Variants in CAST observed in about 807,000 individuals in gnomAD.
CAST encodes the protein MIR583 host.
CAST carries 76 observed loss-of-function variants against 119.6 expected under a neutral mutation model. The ratio of observed to expected loss-of-function variants is 0.64; its 90% CI spans 0.53 to 0.77. The LOEUF (loss-of-function observed/expected upper bound fraction) is 0.77. Ranked by LOEUF, CAST falls within the 30% of genes least tolerant of loss-of-function variation. The probability of loss-of-function intolerance (pLI) is 0.00; values close to 1 mark genes in which losing one functional copy is unlikely to be tolerated. For missense variants in CAST, 953 were observed against 946.5 expected (o/e 1.01, Z -0.09); for synonymous variants, 319 against 331.6 (o/e 0.96, Z 0.41).
the CAST span, among the ~76,000 whole-genome samples, chr5:96,184,379 GGT>G: frequency 6.6e-6 from 1 of 152,070 alleles, no homozygotes; most frequent in African/African-American, 2.4e-5. Flanking sequence ...TAAGTTCAAG[GGT>G]ACATATGCAG....
At chr5:96,550,087 T>C (rs263380) in intron 1 of CAST, among the ~76,000 whole-genome samples, 80,901 of 152,074 alleles carry the variant, frequency 0.53, 21,713 homozygotes, top group Admixed American at 0.55. Flanking sequence ...GCTCTGATAA[T>C]GGTCAGACTG....
the CAST span, among the ~76,000 whole-genome samples, chr5:96,317,604 C>A: frequency 6.6e-6 from 1 of 151,082 alleles, no homozygotes; most frequent in East Asian, 2.0e-4. Context: ...GTATGATGAT[C>A]ATAATAATTA....
the CAST span, among the ~76,000 whole-genome samples, chr5:96,199,180 T>G: frequency 2.4e-4 from 36 of 152,272 alleles, no homozygotes; most frequent in African/African-American, 8.2e-4. Context: ...AAATTTGAGA[T>G]TTAAGTATGA....
At chr5:96,644,018 C>T (rs755771134) in intron 1 of CAST, among the ~76,000 whole-genome samples, 3 of 151,864 alleles carry the variant, frequency 2.0e-5, no homozygotes, top group Non-Finnish European at 2.9e-5. Context: ...TGCACTCCAG[C>T]CTGGGGGACA....
At chr5:96,453,570 G>C in the CAST span, among the ~76,000 whole-genome samples, 1 of 152,102 alleles carries the variant, frequency 6.6e-6, no homozygotes, top group Non-Finnish European at 1.5e-5. Context: ...CATTACCATC[G>C]AGCACTGATA....
chr5:96,130,949 T>C, the CAST span, among the ~76,000 whole-genome samples: 2 of 152,126 alleles, frequency 1.3e-5, no homozygotes, highest in Non-Finnish European at 2.9e-5. Flanking sequence ...TGCTATGACC[T>C]TTTACAAAGT....
chr5:96,008,179 G>A, the CAST span, among the ~76,000 whole-genome samples: 2 of 152,184 alleles, frequency 1.3e-5, no homozygotes, highest in African/African-American at 4.8e-5. Flanking sequence ...CTAAGATGCA[G>A]ACCTTCTCCA....
rs374510023 is a variant in CAST, at chr5:96,763,162, G to C, written c.1932+790G>C. On this transcript the variant is annotated intron_variant, in intron 25 of 31. Coordinates refer to ENST00000675179, the MANE Select transcript of CAST (RefSeq NM_001750.7). The stretch of plus-strand genomic sequence containing the variant: ...CCATTCCGTTTGATGTAGCATCAAA[G>C]CATATTTAGTGCTGTAGTCTGAGAT... The C allele has an allele frequency of 1.5e-5, 12 of 780,424 alleles. No individual in the cohort carries two copies. The African/African-American group carries it at 2.0e-4, about 13-fold the overall frequency. The allele number at this position is 780,424 out of a possible 1,614,324, so 48.3% of individuals were successfully genotyped here.
At chr5:96,590,368 G>C (rs932019879) in intron 1 of CAST, among the ~76,000 whole-genome samples, 10 of 152,216 alleles carry the variant, frequency 6.6e-5, no homozygotes, top group African/African-American at 2.4e-4. Flanking sequence ...GTTTTCCAAT[G>C]TATGTGCTAG....
the CAST span, among the ~76,000 whole-genome samples, chr5:96,037,058 A>G: frequency 6.6e-5 from 10 of 152,082 alleles, no homozygotes; most frequent in Admixed American, 1.3e-4. Flanking sequence ...TCTAGTCTTG[A>G]CACTAATAAT....
chr5:96,209,034 G>A, the CAST span, among the ~76,000 whole-genome samples: 1 of 151,992 alleles, frequency 6.6e-6, no homozygotes, highest in Non-Finnish European at 1.5e-5. Context: ...ATTTAGGGTA[G>A]TTAGGTCTTC....
the CAST span, among the ~76,000 whole-genome samples, chr5:96,313,282 A>T: frequency 9.9e-5 from 15 of 152,152 alleles, no homozygotes; most frequent in African/African-American, 3.6e-4. Context: ...TCAGGTAACA[A>T]TCACCAAAAT....
the CAST span, among the ~76,000 whole-genome samples, chr5:96,374,851 G>A: frequency 6.6e-6 from 1 of 152,144 alleles, no homozygotes; most frequent in Non-Finnish European, 1.5e-5. Context: ...GGGTTGTGGC[G>A]CTGGAGTTTC....
chr5:96,600,163 G>A (rs1018904230), intron 1 of CAST, among the ~76,000 whole-genome samples: 1 of 152,220 alleles, frequency 6.6e-6, no homozygotes, highest in Non-Finnish European at 1.5e-5. Flanking sequence ...TTATGGGCAT[G>A]GGGTAGAGTA....
the CAST span, among the ~76,000 whole-genome samples, chr5:96,238,620 G>A: frequency 2.7e-5 from 4 of 148,842 alleles, no homozygotes; most frequent in African/African-American, 9.9e-5. Context: ...GGCTGGTCTC[G>A]AACCTCTGAC....
intron 1 of CAST, chr5:96,584,656 C>G (rs1408440550): frequency 6.6e-6 from 1 of 152,112 alleles, no homozygotes; most frequent in Non-Finnish European, 1.5e-5. Flanking sequence ...CAGCCTTCAC[C>G]TCTAGGGATG....
At chr5:95,963,830 C>T in the CAST span, among the ~76,000 whole-genome samples, 1 of 150,548 alleles carries the variant, frequency 6.6e-6, no homozygotes, top group Non-Finnish European at 1.5e-5. Flanking sequence ...CAAGTAAAAC[C>T]TGTATCCCAC....
At chr5:95,965,751 A>G in the CAST span, among the ~76,000 whole-genome samples, 1 of 152,230 alleles carries the variant, frequency 6.6e-6, no homozygotes, top group African/African-American at 2.4e-5. Context: ...CTTGGGCACA[A>G]TTGAAGTGGA....
At chr5:96,060,287 C>G in the CAST span, among the ~76,000 whole-genome samples, 1 of 152,106 alleles carries the variant, frequency 6.6e-6, no homozygotes, top group African/African-American at 2.4e-5. Flanking sequence ...CATCTTTGTC[C>G]TCTATATTCA....
Sources: allele counts gnomAD v4.1 joint callset (sites outside exome capture counted in the v4.1 genomes callset), GRCh38; gene constraint gnomAD v4.1.1; transcripts MANE v1.5; gene names NCBI Gene and HGNC (gene_info 2026-07-23, HGNC 2026-07-21).